Variants in GBX1 observed in about 807,000 individuals in gnomAD.
GBX1 encodes homeobox protein GBX-1.
GBX1 carries 9 observed loss-of-function variants against 22.9 expected under a neutral mutation model. The observed-to-expected ratio is 0.39, with a 90% CI of 0.24 to 0.69. The LOEUF is 0.69. Among genes scored for constraint, GBX1 ranks in the 30% least tolerant of loss-of-function variants. GBX1 has a pLI of 0.43. For synonymous variants in GBX1, 203 were observed against 227.3 expected, an observed-to-expected ratio of 0.89 and a Z score of 0.96; for missense variants, 494 against 509.2, an observed-to-expected ratio of 0.97 and a Z score of 0.29.
intron 1 of GBX1, among the ~76,000 whole-genome samples, chr7:151,153,745 C>A (rs887903639): frequency 1.3e-5 from 2 of 151,694 alleles, no homozygotes; most frequent in African/African-American, 4.8e-5. Context: ...TACTTTTTTG[C>A]AGTGTTGGGG....
chr7:151,158,151 G>C (rs774079673), intron 1 of GBX1, among the ~76,000 whole-genome samples: 11 of 152,202 alleles, frequency 7.2e-5, no homozygotes, highest in Non-Finnish European at 8.8e-5. Flanking sequence ...GAAGAGTTCT[G>C]ACTAAGTACG....
In GBX1 at chr7:151,152,826, C is replaced by T. The variant is rs367915069; in HGVS notation, c.539-3684G>A. 5.3e-5 allele frequency among the ~76,000 whole-genome samples: 8 copies of T among 152,348 alleles called. No homozygotes were observed. The East Asian group carries it at 9.6e-4, about 18-fold the overall frequency. On this transcript the variant is annotated intron_variant, in intron 1 of 1. Coordinates refer to ENST00000297537, the MANE Select transcript of GBX1 (RefSeq NM_001098834.3). ...AAGCCATACAAGGAGCACAGGTTCA[C>T]AACCTCTCTTGGTTACTTGATCCCA...
chr7:151,152,829 C>T (rs1801095189), intron 1 of GBX1, among the ~76,000 whole-genome samples: 1 of 152,222 alleles, frequency 6.6e-6, no homozygotes, highest in Non-Finnish European at 1.5e-5. Context: ...AGGTTCACAA[C>T]CTCTCTTGGT....
chr7:151,154,340 T>A (rs1176287679), intron 1 of GBX1, among the ~76,000 whole-genome samples: 1 of 152,210 alleles, frequency 6.6e-6, no homozygotes, highest in South Asian at 2.1e-4. Context: ...AAATTTCCTA[T>A]GGAAAATAAT....
chr7:151,165,548 C>T (rs1584806361), intron 1 of GBX1, among the ~76,000 whole-genome samples: 1 of 152,216 alleles, frequency 6.6e-6, no homozygotes, highest in African/African-American at 2.4e-5. Flanking sequence ...GATCATCCTG[C>T]TGGCTTCCAG....
chr7:151,164,776 C>CTTTTTTTTTTT (rs71533521), intron 1 of GBX1, among the ~76,000 whole-genome samples: 11 of 104,384 alleles, frequency 1.1e-4, no homozygotes, highest in Non-Finnish European at 1.4e-4. Context: ...AAATTTCCCT[C>CTTTTTTTTTTT]TTTTTTTTTT....
rs997425420 is a variant in GBX1, at chr7:151,167,115, T to C, written c.434A>G (p.Glu145Gly). The C allele has an allele frequency of 1.9e-6, 3 of 1,601,976 alleles. No individual in the cohort carries two copies. Among genetic ancestry groups the C allele is most frequent in the Non-Finnish European group, 2.6e-6 (3 of 1,176,122 alleles). The change falls in exon 1 of 2, where the codon GAG (glutamate) becomes GGG (glycine). Residue 145 changes from glutamate to glycine, a missense_variant. By Grantham distance (98) the Glu-to-Gly change is moderately conservative (BLOSUM62 -2). Coordinates refer to ENST00000297537, the MANE Select transcript of GBX1 (RefSeq NM_001098834.3). The surrounding 1 kb of genome is among the most constrained non-coding windows in gnomAD (Gnocchi z 5.9). ...CAGCTCATCAGCTTCCAGCCCACCCTCTGGGCGTCGGCCGCCTGGCTCGGG... is the reference window on the plus strand; with the variant it reads ...CAGCTCATCAGCTTCCAGCCCACCCCCTGGGCGTCGGCCGCCTGGCTCGGG... ...NNPEPGGRRPEGGLEADELLP... is the reference protein window; with the variant it reads ...NNPEPGGRRPGGGLEADELLP...
chr7:151,167,142 T>A lies in GBX1; in HGVS notation c.407A>T (p.Asn136Ile). Reference protein sequence around the residue: ...AAAAATAARNNPEPGGRRPEG... With the variant: ...AAAAATAARNIPEPGGRRPEG... Reference sequence around the variant, plus strand: ...TGGGCGTCGGCCGCCTGGCTCGGGGTTGTTTCGGGCGGCAGTGGCGGCGGC... The same window carrying A: ...TGGGCGTCGGCCGCCTGGCTCGGGGATGTTTCGGGCGGCAGTGGCGGCGGC... The change falls in exon 1 of 2, where the codon AAC becomes ATC. Residue 136 changes from asparagine to isoleucine, a missense_variant. Asn to Ile is a moderately radical substitution (Grantham distance 149). Transcript: ENST00000297537. This position sits in a 1 kb window ranked among gnomAD's most constrained non-coding sequence, Gnocchi z 5.9. 1 of 1,601,874 alleles carries A rather than the reference T, an allele frequency of 6.2e-7. No homozygotes were observed. Among genetic ancestry groups the A allele is most frequent in the African/African-American group, 1.4e-5 (1 of 73,426 alleles).
intron 1 of GBX1, among the ~76,000 whole-genome samples, chr7:151,164,267 G>A (rs981488542): frequency 2.0e-5 from 3 of 152,152 alleles, no homozygotes; most frequent in Admixed American, 6.5e-5. Context: ...CTAATGTTGA[G>A]GTTTCAATCC....
In GBX1 at chr7:151,148,744, G is replaced by C. The variant is rs1267406579; in HGVS notation, c.937C>G (p.Arg313Gly). ...VQVKIWFQNR[R>G]AKWKRIKAGN... The stretch of plus-strand genomic sequence containing the variant: ...GCTTTGATGCGCTTCCACTTGGCCC[G>C]TCGATTCTGAAACCAGATCTTGACC... The change falls in exon 2 of 2, where the codon CGG (arginine) becomes GGG (glycine). Residue 313 changes from arginine (R) to glycine (G), a missense_variant. Coordinates refer to ENST00000297537, the MANE Select transcript of GBX1 (RefSeq NM_001098834.3). This position sits in a 1 kb window ranked among gnomAD's most constrained non-coding sequence, Gnocchi z 5.1. The C allele has an allele frequency of 6.2e-7, 1 of 1,614,166 alleles. No individual in the cohort carries two copies. Among genetic ancestry groups the C allele is most frequent in the East Asian group, 2.2e-5 (1 of 44,882 alleles).
Position 151,167,439 on chromosome 7 carries a change from C to CGCG in GBX1, c.107_109dup (p.Pro36dup), listed in dbSNP as rs770758251. On this transcript the variant is annotated inframe_insertion, in exon 1 of 2. Transcript: ENST00000297537. This position sits in a 1 kb window ranked among gnomAD's most constrained non-coding sequence, Gnocchi z 5.9. The stretch of plus-strand genomic sequence containing the variant: ...GCCGGTGTACAGCAAGTGGCCGGAG[C>CGCG]GCGGCGGCGGCGGCCCGATTAGGGA... 4 of 1,509,272 alleles carry CGCG rather than the reference C, an allele frequency of 2.7e-6. No homozygotes were observed. Among genetic ancestry groups the CGCG allele is most frequent in the Middle Eastern group, 2.0e-4 (1 of 5,082 alleles). 93.5% of individuals were successfully genotyped at this position (1,509,272 alleles called of 1,614,324 possible).
chr7:151,157,798 T>C (rs1801152224), intron 1 of GBX1, among the ~76,000 whole-genome samples: 1 of 152,234 alleles, frequency 6.6e-6, no homozygotes, highest in Non-Finnish European at 1.5e-5. Flanking sequence ...TTCTGACCAA[T>C]TGTAATATGC....
At chr7:151,154,689 C>T (rs879591089) in intron 1 of GBX1, among the ~76,000 whole-genome samples, 7 of 152,300 alleles carry the variant, frequency 4.6e-5, no homozygotes, top group Admixed American at 6.5e-5. Context: ...GTAGAGTTCA[C>T]GTCAAGGGCA....
rs551634037 is a variant in GBX1 at position 151,165,403 on chromosome 7, T to A, written c.538+1608A>T. Among the ~76,000 whole-genome samples, 4 of 152,280 alleles carry A rather than the reference T, an allele frequency of 2.6e-5. No individual in the cohort carries two copies. In the East Asian group the frequency reaches 5.8e-4, roughly 22 times the overall value. Reference sequence around the variant, plus strand: ...CCCTCCATCCTCTCTCTTCAGCTCATCTCTTTCTATATGTGTCTGGTTACA... The same window carrying A: ...CCCTCCATCCTCTCTCTTCAGCTCAACTCTTTCTATATGTGTCTGGTTACA... On this transcript the variant is annotated intron_variant, in intron 1 of 1. Transcript: ENST00000297537.
intron 1 of GBX1, among the ~76,000 whole-genome samples, chr7:151,154,363 C>A (rs1288811594): frequency 6.6e-6 from 1 of 152,044 alleles, no homozygotes; most frequent in African/African-American, 2.4e-5. Context: ...AATAATGATT[C>A]TGATGAGAAT....
At chr7:151,152,773 G>A (rs1229928162) in intron 1 of GBX1, among the ~76,000 whole-genome samples, 1 of 152,184 alleles carries the variant, frequency 6.6e-6, no homozygotes, top group Non-Finnish European at 1.5e-5. Context: ...AAGCCCACAT[G>A]AGCCGGCCAC....
intron 1 of GBX1, 64 bp downstream of exon 1, chr7:151,166,947 G>A (rs1801259036): frequency 7.1e-6 from 11 of 1,545,184 alleles, no homozygotes; most frequent in Non-Finnish European, 9.8e-6. Flanking sequence ...TTCCGAGCAG[G>A]TTCCTGTCTG....
intron 1 of GBX1, among the ~76,000 whole-genome samples, chr7:151,162,438 A>G (rs1801196217): frequency 6.6e-6 from 1 of 152,182 alleles, no homozygotes; most frequent in Non-Finnish European, 1.5e-5. Flanking sequence ...GCTCCTAGGA[A>G]GTCTCCCCGG....
At chr7:151,159,279 T>C (rs761884443) in intron 1 of GBX1, among the ~76,000 whole-genome samples, 2 of 152,034 alleles carry the variant, frequency 1.3e-5, no homozygotes, top group Admixed American at 6.6e-5. Context: ...AGAGACGGGA[T>C]TTTGCCATGT....
Sources: allele counts gnomAD v4.1 joint callset (sites outside exome capture counted in the v4.1 genomes callset), GRCh38; gene constraint gnomAD v4.1.1; non-coding constraint Gnocchi (gnomAD v3.1); transcripts MANE v1.5; gene names NCBI Gene and HGNC (gene_info 2026-07-23, HGNC 2026-07-21).